The following MNAT1 variants were observed in gnomAD, a reference collection of about 807,000 sequenced individuals.
MNAT1 encodes MNAT1 component of CDK activating kinase.
MNAT1 carries 43 observed loss-of-function variants against 42.0 expected under a neutral mutation model. The ratio of observed to expected loss-of-function variants is 1.02; its 90% CI spans 0.80 to 1.32. The LOEUF (loss-of-function observed/expected upper bound fraction) is 1.32. Ranked by LOEUF, MNAT1 falls within the 40% of genes most tolerant of loss-of-function variation. The probability of loss-of-function intolerance (pLI) is 0.00; values close to 1 mark genes in which losing one functional copy is unlikely to be tolerated. For synonymous variants in MNAT1, 118 were observed against 120.0 expected, an observed-to-expected ratio of 0.98 and a Z score of 0.11; for missense variants, 306 against 350.4, an observed-to-expected ratio of 0.87 and a Z score of 1.01.
intron 6 of MNAT1, among the ~76,000 whole-genome samples, chr14:60,842,898 G>C (rs925183845): frequency 2.0e-5 from 3 of 152,122 alleles, no homozygotes; most frequent in African/African-American, 7.2e-5. Flanking sequence ...GCATCCTATT[G>C]CATGTTGCTA....
chr14:60,805,644 T>G (rs1190112044), intron 3 of MNAT1, among the ~76,000 whole-genome samples: 1 of 152,228 alleles, frequency 6.6e-6, no homozygotes, highest in Non-Finnish European at 1.5e-5. Flanking sequence ...TGTTATATAG[T>G]TGGAATCATA....
chr14:60,860,910 C>G (rs1331502082), intron 6 of MNAT1, among the ~76,000 whole-genome samples: 2 of 152,118 alleles, frequency 1.3e-5, no homozygotes, highest in African/African-American at 4.8e-5. Context: ...CTGTAGTTAA[C>G]TCATTACTTC....
intron 7 of MNAT1, among the ~76,000 whole-genome samples, chr14:60,953,756 G>T (rs557584224): frequency 1.3e-5 from 2 of 152,048 alleles, no homozygotes; most frequent in South Asian, 4.2e-4. Context: ...CTGTACTAGG[G>T]GTTCTCTGTT....
chr14:60,963,810 G>A (rs552071846), intron 7 of MNAT1, among the ~76,000 whole-genome samples: 5 of 152,242 alleles, frequency 3.3e-5, no homozygotes, highest in South Asian at 4.2e-4. Flanking sequence ...CATAGGGCCC[G>A]GTAATTTGAG....
At position 60,780,049 on chromosome 14, in the gene MNAT1, C is replaced by T. The variant is rs541959879; in HGVS notation, c.90-16168C>T. 3 of 1,508,078 alleles carry T rather than the reference C, an allele frequency of 2.0e-6. No homozygotes were observed. The African/African-American group carries it at 4.1e-5, about 21-fold the overall frequency. The allele number at this position is 1,508,078 out of a possible 1,614,324, so 93.4% of individuals were successfully genotyped here. A position where few individuals can be genotyped will look rare whatever the true frequency, so the allele number is the denominator to read the frequency against. The stretch of plus-strand genomic sequence containing the variant: ...GTGCCGAAATCGTGGACGAGTTCTT[C>T]TCATTCGGCATCAACAGCATTTTAT... On this transcript the variant is annotated intron_variant, in intron 1 of 7. Coordinates refer to ENST00000261245, the MANE Select transcript of MNAT1 (RefSeq NM_002431.4).
intron 7 of MNAT1, among the ~76,000 whole-genome samples, chr14:60,957,633 T>G (rs1414826420): frequency 6.6e-6 from 1 of 152,202 alleles, no homozygotes; most frequent in African/African-American, 2.4e-5. Context: ...CATTCTTCTC[T>G]TATATTTTAT....
At chr14:60,903,425 A>G (rs182942125) in intron 7 of MNAT1, among the ~76,000 whole-genome samples, 39 of 152,308 alleles carry the variant, frequency 2.6e-4, no homozygotes, top group Non-Finnish European at 1.5e-5. Context: ...TTTACGTTCT[A>G]CCAGTGAAAA....
In MNAT1 at chr14:60,740,726, T is replaced by G. The variant is rs1482855500; in HGVS notation, c.89+5775T>G. 2.0e-5 allele frequency among the ~76,000 whole-genome samples: 3 copies of G among 152,338 alleles called. No individual in the cohort carries two copies. The highest frequency in any genetic ancestry group is 3.9e-4 in the East Asian group (2 of 5,188). On this transcript the variant is annotated intron_variant, in intron 1 of 7. Coordinates refer to ENST00000261245, the MANE Select transcript of MNAT1 (RefSeq NM_002431.4). This position sits in a 1 kb window ranked among gnomAD's most constrained non-coding sequence, Gnocchi z 4.1. ...TTTCTGTTGTGATAAGAGGATATACTCTATAAAATTTCAGTCTTTTGAAGT... is the reference window on the plus strand; with the variant it reads ...TTTCTGTTGTGATAAGAGGATATACGCTATAAAATTTCAGTCTTTTGAAGT...
intron 1 of MNAT1, among the ~76,000 whole-genome samples, chr14:60,737,726 C>G (rs1322348863): frequency 1.3e-5 from 2 of 151,826 alleles, no homozygotes; most frequent in Non-Finnish European, 2.9e-5. Context: ...TAAATATGGC[C>G]CAGTTGTTCT....
intron 7 of MNAT1, among the ~76,000 whole-genome samples, chr14:60,890,827 A>C (rs2034825993): frequency 6.6e-6 from 1 of 152,144 alleles, no homozygotes; most frequent in African/African-American, 2.4e-5. Flanking sequence ...CAGATTGAGA[A>C]TGCGTCTGCC....
intron 1 of MNAT1, among the ~76,000 whole-genome samples, chr14:60,769,095 C>T (rs1264241281): frequency 2.0e-5 from 3 of 152,108 alleles, no homozygotes; most frequent in Non-Finnish European, 4.4e-5. Context: ...TTTGAACCCT[C>T]TATCTTTTTT....
chr14:60,741,671 T>TTTTTG (rs1415546425), intron 1 of MNAT1, among the ~76,000 whole-genome samples: 2 of 147,004 alleles, frequency 1.4e-5, no homozygotes, highest in Non-Finnish European at 3.0e-5. Context: ...TTTTTTTTTT[T>TTTTTG]TTTTTTTTTA....
At chr14:60,925,414 A>T (rs1844393783) in intron 7 of MNAT1, among the ~76,000 whole-genome samples, 1 of 152,170 alleles carries the variant, frequency 6.6e-6, no homozygotes, top group Non-Finnish European at 1.5e-5. Context: ...GTATATGGAA[A>T]CAAAAACACA....
chr14:60,793,178 G>T lies in MNAT1; in HGVS notation c.90-3039G>T, dbSNP rs182651246. 3.9e-3 allele frequency among the ~76,000 whole-genome samples: 591 copies of T among 151,130 alleles called. 6 individuals are homozygous for T. Among genetic ancestry groups the T allele is most frequent in the East Asian group, 2.6e-3 (13 of 5,094 alleles). On this transcript the variant is annotated intron_variant, in intron 1 of 7. Coordinates refer to ENST00000261245, the MANE Select transcript of MNAT1 (RefSeq NM_002431.4). ...GCCACCATGCCCGGCTAATTTGTTG[G>T]TGTTGTTGTTGTTGTTTTTTGCTTG... is the stretch of plus-strand genomic sequence containing the variant.
chr14:60,879,607 T>C, intron 6 of MNAT1, 107 bp from the exon 7 acceptor site: 1 of 1,103,116 alleles, frequency 9.1e-7, no homozygotes, highest in South Asian at 1.6e-5. Context: ...AACTAATGGC[T>C]AATACTTCTA....
At chr14:60,841,781 T>C (rs1234985684) in intron 6 of MNAT1, among the ~76,000 whole-genome samples, 1 of 152,262 alleles carries the variant, frequency 6.6e-6, no homozygotes, top group African/African-American at 2.4e-5. Flanking sequence ...CTTTTAAGCA[T>C]TGTTAGCATG....
intron 7 of MNAT1, chr14:60,880,038 G>T (rs558126397): frequency 1.3e-4 from 45 of 355,512 alleles, no homozygotes; most frequent in Middle Eastern, 7.9e-4. Context: ...ATTGAGCCTG[G>T]AATACATTCG....
intron 6 of MNAT1, among the ~76,000 whole-genome samples, chr14:60,834,421 T>C (rs2033317046): frequency 6.6e-6 from 1 of 152,232 alleles, no homozygotes; most frequent in Non-Finnish European, 1.5e-5. Flanking sequence ...ATTTACCCAG[T>C]AGTCATTCAG....
intron 7 of MNAT1, among the ~76,000 whole-genome samples, chr14:60,903,011 T>G (rs1365370226): frequency 3.3e-5 from 5 of 152,038 alleles, no homozygotes; most frequent in African/African-American, 1.2e-4. Flanking sequence ...TTATTGTATT[T>G]TGGCTAGAAC....
Sources: gnomAD v4.1 joint callset for allele counts (sites outside exome capture counted in the v4.1 genomes callset) on GRCh38, gnomAD v4.1.1 for gene constraint, Gnocchi (gnomAD v3.1) non-coding constraint, MANE v1.5 for transcripts, NCBI Gene and HGNC (gene_info 2026-07-23, HGNC 2026-07-21) for gene names.